Variants in SND1 observed in about 807,000 individuals in gnomAD.
The protein encoded by SND1 is staphylococcal nuclease domain-containing protein 1.
A neutral mutation model predicts 121.7 loss-of-function variants in SND1; 38 were observed. The observed-to-expected ratio is 0.31, with a 90% CI of 0.24 to 0.41. The LOEUF (loss-of-function observed/expected upper bound fraction) is 0.41, where lower values mean the gene tolerates loss of function less well. Among genes scored for constraint, SND1 ranks in the 10% least tolerant of loss-of-function variants. The probability of loss-of-function intolerance (pLI) is 1.00; values close to 1 mark genes in which losing one functional copy is unlikely to be tolerated. For synonymous variants in SND1, 401 were observed against 447.4 expected (o/e 0.90, Z 1.31); for missense variants, 868 against 1,184.6 (o/e 0.73, Z 3.92).
intron 14 of SND1, among the ~76,000 whole-genome samples, chr7:127,921,508 A>G (rs1002535261): frequency 1.3e-5 from 2 of 152,178 alleles, no homozygotes; most frequent in Non-Finnish European, 2.9e-5. Flanking sequence ...AGTTTTCTTG[A>G]GTTAAAAATT....
At chr7:127,825,167 A>T (rs749754127) in intron 11 of SND1, among the ~76,000 whole-genome samples, 1 of 152,090 alleles carries the variant, frequency 6.6e-6, no homozygotes, top group Non-Finnish European at 1.5e-5. Flanking sequence ...CTGGAGTGCA[A>T]TGGCGCGATG....
In SND1 at chr7:127,778,329, G is replaced by C. The variant is rs566940670; in HGVS notation, c.1153-29155G>C. 7.9e-3 allele frequency among the ~76,000 whole-genome samples: 1,198 copies of C among 152,204 alleles called. 9 individuals are homozygous for C. The highest frequency in any genetic ancestry group is 0.013 in the Non-Finnish European group (897 of 67,996). On this transcript the variant is annotated intron_variant, in intron 10 of 23. Transcript: ENST00000354725. ...CTGGCCTCAGCCTCCCAAGTAGCTGGGAGCACTACAGGCGCGTGCCACCAC... is the reference window on the plus strand; with the variant it reads ...CTGGCCTCAGCCTCCCAAGTAGCTGCGAGCACTACAGGCGCGTGCCACCAC...
chr7:127,859,065 A>C (rs1799333941), intron 12 of SND1, among the ~76,000 whole-genome samples: 1 of 152,174 alleles, frequency 6.6e-6, no homozygotes, highest in South Asian at 2.1e-4. Flanking sequence ...TTTCACTGTC[A>C]GAGCAGATCA....
chr7:127,863,378 G>A (rs1036531568), intron 12 of SND1, among the ~76,000 whole-genome samples: 1 of 152,116 alleles, frequency 6.6e-6, no homozygotes, highest in Non-Finnish European at 1.5e-5. Context: ...TTTATTTACT[G>A]TAGAGTCTTA....
At chr7:128,068,000 CCTT>C (rs1793346124) in intron 16 of SND1, among the ~76,000 whole-genome samples, 1 of 152,142 alleles carries the variant, frequency 6.6e-6, no homozygotes, top group Admixed American at 6.5e-5. Flanking sequence ...CTCCAGTGCA[CCTT>C]CTCCCGCCTC....
intron 16 of SND1, chr7:128,027,073 A>T (rs1176917349): frequency 6.6e-6 from 1 of 152,580 alleles, no homozygotes; most frequent in Non-Finnish European, 1.5e-5. Context: ...ACATTGAATT[A>T]AAAATTCAAC....
At chr7:127,933,035 A>G (rs1295172225) in intron 15 of SND1, among the ~76,000 whole-genome samples, 2 of 152,230 alleles carry the variant, frequency 1.3e-5, no homozygotes, top group African/African-American at 4.8e-5. Context: ...TTGGCAATGT[A>G]GAGCTTTATC....
intron 10 of SND1, among the ~76,000 whole-genome samples, chr7:127,760,991 G>T (rs1330654183): frequency 6.6e-6 from 1 of 152,142 alleles, no homozygotes; most frequent in Non-Finnish European, 1.5e-5. Context: ...CATTTAAACC[G>T]TATAAAAAGA....
Position 128,052,572 on chromosome 7 carries a change from G to GTC in SND1, c.1780-21929_1780-21928insCT, listed in dbSNP as rs1254322856. Among the ~76,000 whole-genome samples, 2 of 152,264 alleles carry GTC rather than the reference G, an allele frequency of 1.3e-5. No individual in the cohort carries two copies. Among genetic ancestry groups the GTC allele is most frequent in the Non-Finnish European group, 2.9e-5 (2 of 68,046 alleles). On this transcript the variant is annotated intron_variant, in intron 16 of 23. Transcript: ENST00000354725. The surrounding 1 kb of genome is among the most constrained non-coding windows in gnomAD (Gnocchi z 4.6). ...CAAGTCACGGATGTTGACGAGGCCTGTGTGTGTATCTGCATGCTCACACCG... is the reference window on the plus strand; with the variant it reads ...CAAGTCACGGATGTTGACGAGGCCTGTCTGTGTGTATCTGCATGCTCACACCG...
chr7:127,929,135 A>G, intron 14 of SND1, 53 bp from the exon 15 acceptor site: 1 of 1,588,044 alleles, frequency 6.3e-7, no homozygotes, highest in Non-Finnish European at 8.6e-7. Flanking sequence ...ATAAAGAAAG[A>G]AACGTTGGGT....
chr7:128,040,797 T>C (rs1584757071), intron 16 of SND1, among the ~76,000 whole-genome samples: 1 of 152,254 alleles, frequency 6.6e-6, no homozygotes. Flanking sequence ...TGGTGCCACA[T>C]TGGCGCTGCC....
intron 10 of SND1, among the ~76,000 whole-genome samples, chr7:127,802,766 A>C (rs150919326): frequency 6.6e-6 from 1 of 152,080 alleles, no homozygotes; most frequent in African/African-American, 2.4e-5. Context: ...TCCTGATCTT[A>C]CCCTTCTCCG....
intron 11 of SND1, among the ~76,000 whole-genome samples, chr7:127,829,587 T>G (rs978760965): frequency 6.6e-6 from 1 of 152,168 alleles, no homozygotes; most frequent in Admixed American, 6.5e-5. Flanking sequence ...ATTAAAAATA[T>G]TATTACAAGA....
chr7:127,804,630 A>T (rs886632312), intron 10 of SND1, among the ~76,000 whole-genome samples: 3 of 152,012 alleles, frequency 2.0e-5, no homozygotes, highest in African/African-American at 7.2e-5. Flanking sequence ...GGGGAGACAG[A>T]TGTAGCGGTG....
At chr7:127,732,237 C>T (rs1246041414) in intron 10 of SND1, among the ~76,000 whole-genome samples, 2 of 152,360 alleles carry the variant, frequency 1.3e-5, no homozygotes, top group African/African-American at 4.8e-5. Flanking sequence ...TGTGCTCCTG[C>T]TACTTTAGTT....
intron 15 of SND1, among the ~76,000 whole-genome samples, chr7:127,961,005 T>C (rs1391522096): frequency 6.6e-6 from 1 of 152,214 alleles, no homozygotes; most frequent in Non-Finnish European, 1.5e-5. Context: ...TAGGCACATC[T>C]CTGGCAGAGG....
intron 10 of SND1, among the ~76,000 whole-genome samples, chr7:127,780,500 C>G (rs917355269): frequency 6.6e-6 from 1 of 152,202 alleles, no homozygotes; most frequent in Non-Finnish European, 1.5e-5. Context: ...CTAACTTGTC[C>G]AAGGTATGGA....
chr7:127,878,586 G>A (rs538631205), intron 12 of SND1, among the ~76,000 whole-genome samples: 2 of 152,156 alleles, frequency 1.3e-5, no homozygotes, highest in South Asian at 2.1e-4. Context: ...TAGGGATGTC[G>A]AAGCATTTGT....
Position 128,091,881 on chromosome 7 carries a change from G to A in SND1, c.2667G>A (p.Arg889=), listed in dbSNP as rs1406212660. ...LNAQESAKSA[R]LNLWRYGDFR... ...CCCAAGAGTCAGCCAAGAGCGCCAG[G>A]GTGAGTTCTTACCTTGGGAGCCCCC... is the stretch of plus-strand genomic sequence containing the variant. The change falls in exon 23 of 24, where the codon AGG becomes AGA. Residue 889 remains arginine, a splice_region_variant and synonymous_variant. Coordinates refer to ENST00000354725, the MANE Select transcript of SND1 (RefSeq NM_014390.4). 1 of 1,614,192 alleles carries A rather than the reference G, an allele frequency of 6.2e-7. No homozygotes were observed. The highest frequency in any genetic ancestry group is 1.3e-5 in the African/African-American group (1 of 75,046).
Sources: gnomAD v4.1 joint callset for allele counts (sites outside exome capture counted in the v4.1 genomes callset) on GRCh38, gnomAD v4.1.1 for gene constraint, Gnocchi (gnomAD v3.1) non-coding constraint, MANE v1.5 for transcripts, NCBI Gene and HGNC (gene_info 2026-07-23, HGNC 2026-07-21) for gene names.